Variants in PPP1R14C observed in about 807,000 individuals in gnomAD.
PPP1R14C encodes protein phosphatase 1 regulatory subunit 14C.
A neutral mutation model predicts 20.4 loss-of-function variants in PPP1R14C; 16 were observed. The observed-to-expected ratio is 0.78, with a 90% CI of 0.53 to 1.19. The LOEUF is 1.19. Among genes scored for constraint, PPP1R14C ranks in the 50% most tolerant of loss-of-function variants. The pLI is 0.00. For synonymous variants in PPP1R14C, 91 were observed against 91.0 expected, an observed-to-expected ratio of 1.00 and a Z score of 0.00; for missense variants, 211 against 220.1, an observed-to-expected ratio of 0.96 and a Z score of 0.26.
chr6:150,249,889 A>T lies in PPP1R14C; in HGVS notation c.*1069A>T, dbSNP rs1360955776. ...CTCAAGACAGTTGCTCTAGGAGCTG[A>T]GTTGCTGGTTTGGAAGTGTGGAGAT... On this transcript the variant is annotated 3_prime_UTR_variant, in exon 4 of 4. Transcript: ENST00000361131. The T allele has an allele frequency of 2.0e-5, 4 of 201,822 alleles. No homozygotes were observed. Among genetic ancestry groups the T allele is most frequent in the Non-Finnish European group, 2.0e-5 (2 of 101,098 alleles). 12.5% of individuals were successfully genotyped at this position (201,822 alleles called of 1,614,324 possible). A position where few individuals can be genotyped will look rare whatever the true frequency, so the allele number is the denominator to read the frequency against.
intron 3 of PPP1R14C, among the ~76,000 whole-genome samples, chr6:150,235,670 C>T (rs1778351547): frequency 6.6e-6 from 1 of 152,214 alleles, no homozygotes. Context: ...TCCACGCACT[C>T]TATTCTTCCT....
intron 3 of PPP1R14C, among the ~76,000 whole-genome samples, chr6:150,241,176 C>T (rs1778427079): frequency 6.6e-6 from 1 of 152,088 alleles, no homozygotes; most frequent in African/African-American, 2.4e-5. Context: ...ATTGATCATG[C>T]CTATATGATA....
At position 150,143,840 on chromosome 6, in the gene PPP1R14C, G is replaced by C. The variant is rs1027383865; in HGVS notation, c.306+342G>C. On this transcript the variant is annotated intron_variant, in intron 1 of 3. Coordinates refer to ENST00000361131, the MANE Select transcript of PPP1R14C (RefSeq NM_030949.3). This position sits in a 1 kb window ranked among gnomAD's most constrained non-coding sequence, Gnocchi z 5.6. ...GCTGCGCAAAGCGGGGCTCGGAGGG[G>C]CTCACTCCAGCTGCGCCTCAGCAGC... 2.0e-5 allele frequency among the ~76,000 whole-genome samples: 3 copies of C among 152,166 alleles called. No individual in the cohort carries two copies. The highest frequency in any genetic ancestry group is 4.4e-5 in the Non-Finnish European group (3 of 68,032).
At position 150,170,588 on chromosome 6, in the gene PPP1R14C, CTGGAATTACAGGCG is replaced by C. The variant is rs1362035991; in HGVS notation, c.306+27093_306+27106del. Among the ~76,000 whole-genome samples the C allele has an allele frequency of 7.9e-5, 12 of 152,276 alleles. No homozygotes were observed. The South Asian group carries it at 2.5e-3, about 32-fold the overall frequency. On this transcript the variant is annotated intron_variant, in intron 1 of 3. Coordinates refer to ENST00000361131, the MANE Select transcript of PPP1R14C (RefSeq NM_030949.3). ...CCGCCCGCCTCGGCCTCCCAAAGTG[CTGGAATTACAGGCG>C]TGAGCCACTGCGCCCGGCTGCTAGT...
intron 1 of PPP1R14C, among the ~76,000 whole-genome samples, chr6:150,154,109 A>G (rs1158667950): frequency 6.6e-6 from 1 of 152,250 alleles, no homozygotes; most frequent in Non-Finnish European, 1.5e-5. Flanking sequence ...TAGTGGCTGC[A>G]TATTTCTTTA....
intron 3 of PPP1R14C, among the ~76,000 whole-genome samples, chr6:150,225,158 AAAAAAGAAGAAG>A (rs1199266076): frequency 2.6e-5 from 4 of 152,118 alleles, no homozygotes; most frequent in Non-Finnish European, 5.9e-5. Context: ...TTTGGGGAAA[AAAAAAGAAGAAG>A]AAAAAGAAGA....
rs370806291 is a variant in PPP1R14C at position 150,168,533 on chromosome 6, CAACAAAACAA to C, written c.306+25058_306+25067del. Among the ~76,000 whole-genome samples the C allele has an allele frequency of 3.0e-3, 452 of 149,006 alleles. 4 individuals carry two copies. Among genetic ancestry groups the C allele is most frequent in the African/African-American group, 0.011 (434 of 40,274 alleles). ...GGGCGAAAGAGCGAGACTCCCGTCT[CAACAAAACAA>C]AACAAAACAAAACAAAACAAAAAAA... On this transcript the variant is annotated intron_variant, in intron 1 of 3. Coordinates refer to ENST00000361131, the MANE Select transcript of PPP1R14C (RefSeq NM_030949.3).
At chr6:150,171,577 A>G (rs1258833485) in intron 1 of PPP1R14C, among the ~76,000 whole-genome samples, 3 of 152,168 alleles carry the variant, frequency 2.0e-5, no homozygotes, top group African/African-American at 7.2e-5. Context: ...TGACGCACAC[A>G]TTTGAAAGTT....
intron 1 of PPP1R14C, among the ~76,000 whole-genome samples, chr6:150,187,783 G>A (rs12195287): frequency 0.1 from 15,910 of 152,148 alleles, 939 homozygotes; most frequent in Middle Eastern, 0.17. Context: ...ATGATAGAAC[G>A]ATTTATATTT....
chr6:150,179,499 TAG>T (rs1480268552), intron 1 of PPP1R14C, among the ~76,000 whole-genome samples: 1 of 152,064 alleles, frequency 6.6e-6, no homozygotes, highest in Middle Eastern at 3.4e-3. Flanking sequence ...AGCCCAGGTG[TAG>T]AGAGTCCAGA....
At chr6:150,179,098 G>T (rs1373721030) in intron 1 of PPP1R14C, among the ~76,000 whole-genome samples, 2 of 152,138 alleles carry the variant, frequency 1.3e-5, no homozygotes, top group African/African-American at 4.8e-5. Context: ...GCACTGGGGA[G>T]ACCCAGGGAG....
At chr6:150,197,578 G>A (rs1243576034) in intron 1 of PPP1R14C, among the ~76,000 whole-genome samples, 1 of 152,284 alleles carries the variant, frequency 6.6e-6, no homozygotes, top group African/African-American at 2.4e-5. Flanking sequence ...GGGAAGGCTG[G>A]TGGTGGGTAT....
intron 1 of PPP1R14C, among the ~76,000 whole-genome samples, chr6:150,193,194 G>A (rs1777766473): frequency 1.3e-5 from 2 of 152,000 alleles, no homozygotes; most frequent in African/African-American, 4.8e-5. Flanking sequence ...AAATCACCGA[G>A]GGAGCTTTAA....
intron 1 of PPP1R14C, among the ~76,000 whole-genome samples, chr6:150,154,340 C>T (rs1452718443): frequency 6.6e-6 from 1 of 152,138 alleles, no homozygotes; most frequent in Non-Finnish European, 1.5e-5. Context: ...TAATTCCTGT[C>T]GGCTGTTCCC....
At chr6:150,213,834 A>G (rs1410187943) in intron 1 of PPP1R14C, among the ~76,000 whole-genome samples, 2 of 152,182 alleles carry the variant, frequency 1.3e-5, no homozygotes, top group Non-Finnish European at 2.9e-5. Flanking sequence ...TGGCAGGAAT[A>G]TTAAACTAGA....
intron 1 of PPP1R14C, among the ~76,000 whole-genome samples, chr6:150,157,254 T>A (rs1237746645): frequency 1.3e-5 from 2 of 152,210 alleles, no homozygotes; most frequent in Non-Finnish European, 2.9e-5. Context: ...TCCGAGGATG[T>A]GAGAGAGTGT....
chr6:150,181,600 T>A lies in PPP1R14C; in HGVS notation c.307-33144T>A, dbSNP rs571335848. ...TGGCTCCTTGCACATAATGTTTTTT[T>A]AAAAAAATTTTTTGCTGATATCTTA... On this transcript the variant is annotated intron_variant, in intron 1 of 3. Coordinates refer to ENST00000361131, the MANE Select transcript of PPP1R14C (RefSeq NM_030949.3). Among the ~76,000 whole-genome samples the A allele has an allele frequency of 3.6e-3, 545 of 152,336 alleles. 4 individuals are homozygous for A. The highest frequency in any genetic ancestry group is 6.5e-3 in the Admixed American group (99 of 15,298).
intron 3 of PPP1R14C, among the ~76,000 whole-genome samples, chr6:150,227,168 G>A (rs1458728083): frequency 6.6e-6 from 1 of 152,178 alleles, no homozygotes; most frequent in Non-Finnish European, 1.5e-5. Context: ...AGTGTAGAGA[G>A]AATATAAGTG....
chr6:150,247,081 G>A (rs760800802), intron 3 of PPP1R14C, among the ~76,000 whole-genome samples: 5 of 151,964 alleles, frequency 3.3e-5, no homozygotes, highest in Non-Finnish European at 7.4e-5. Context: ...ATAAATTTTG[G>A]TGCTAATATA....
Sources: gnomAD v4.1 joint callset for allele counts (sites outside exome capture counted in the v4.1 genomes callset) on GRCh38, gnomAD v4.1.1 for gene constraint, Gnocchi (gnomAD v3.1) non-coding constraint, MANE v1.5 for transcripts, NCBI Gene and HGNC (gene_info 2026-07-23, HGNC 2026-07-21) for gene names.